Variants in ERAP1 observed in about 807,000 individuals in gnomAD.
ERAP1 encodes the protein adipocyte-derived leucine aminopeptidase.
In ERAP1, 86 loss-of-function variants were observed where a neutral mutation model predicts 103.7. The observed-to-expected ratio is 0.83, with a 90% CI of 0.70 to 0.99. The LOEUF is 0.99. Ranked by LOEUF, ERAP1 falls within the 50% of genes least tolerant of loss-of-function variation. The probability of loss-of-function intolerance (pLI) is 0.00; values close to 1 mark genes in which losing one functional copy is unlikely to be tolerated. For synonymous variants in ERAP1, 398 were observed against 402.4 expected (o/e 0.99, Z 0.13); for missense variants, 1,009 against 1,128.4 (o/e 0.89, Z 1.52).
chr5:96,926,746 C>T, the ERAP1 span, among the ~76,000 whole-genome samples: 44 of 152,152 alleles, frequency 2.9e-4, no homozygotes, highest in African/African-American at 8.9e-4. Context: ...AGTTGATGGA[C>T]GTTTGTGTTG....
At chr5:96,779,026 C>G (rs1173488009) in intron 18 of ERAP1, among the ~76,000 whole-genome samples, 2 of 152,204 alleles carry the variant, frequency 1.3e-5, no homozygotes. Flanking sequence ...TAGATGTTGG[C>G]ATTTCCTTCG....
the ERAP1 span, among the ~76,000 whole-genome samples, chr5:96,887,094 TATATATAC>T: frequency 0.026 from 2,976 of 115,388 alleles, 49 homozygotes; most frequent in Middle Eastern, 0.11. Context: ...TATATATATA[TATATATAC>T]ACACACACAC....
At chr5:96,871,236 A>G in the ERAP1 span, among the ~76,000 whole-genome samples, 2 of 152,106 alleles carry the variant, frequency 1.3e-5, no homozygotes, top group Non-Finnish European at 2.9e-5. Context: ...AACCTCTCTC[A>G]AGGCAGAAAG....
the ERAP1 span, among the ~76,000 whole-genome samples, chr5:96,879,045 G>C: frequency 1.3e-5 from 2 of 152,070 alleles, no homozygotes; most frequent in African/African-American, 2.4e-5. Context: ...TGGGTAACAG[G>C]GAGACCCCCA....
the ERAP1 span, among the ~76,000 whole-genome samples, chr5:96,871,192 T>G: frequency 6.6e-6 from 1 of 152,214 alleles, no homozygotes; most frequent in Non-Finnish European, 1.5e-5. Context: ...TGCTGGGCTC[T>G]GCCTTAGTTC....
chr5:96,833,636 A>G, the ERAP1 span, among the ~76,000 whole-genome samples: 1 of 151,994 alleles, frequency 6.6e-6, no homozygotes, highest in Non-Finnish European at 1.5e-5. Flanking sequence ...CACCTTGTGT[A>G]AAAAAATAGC....
the ERAP1 span, chr5:96,915,643 G>A: frequency 8.6e-7 from 1 of 1,160,868 alleles, no homozygotes; most frequent in South Asian, 1.6e-5. Context: ...TAAACATAAG[G>A]TCAGTATTTC....
the ERAP1 span, among the ~76,000 whole-genome samples, chr5:96,894,163 G>A: frequency 6.6e-6 from 1 of 152,194 alleles, no homozygotes; most frequent in Admixed American, 6.5e-5. Context: ...CATGGTGCCA[G>A]GAACGCAGTA....
chr5:96,864,842 G>C, the ERAP1 span, among the ~76,000 whole-genome samples: 1 of 151,876 alleles, frequency 6.6e-6, no homozygotes, highest in Non-Finnish European at 1.5e-5. Flanking sequence ...TTATATATGT[G>C]TAAGTTAAAA....
At chr5:96,768,010 T>G (rs755329078) in intron 19 of ERAP1, 1 of 1,557,654 alleles carries the variant, frequency 6.4e-7, no homozygotes, top group Admixed American at 1.7e-5. Flanking sequence ...GTACTGTGCT[T>G]TTTCACATTT....
chr5:96,889,317 T>C, the ERAP1 span: 5 of 1,613,866 alleles, frequency 3.1e-6, no homozygotes, highest in Non-Finnish European at 3.4e-6. Flanking sequence ...TATGTTCAAA[T>C]TCCACATTAT....
chr5:96,925,800 G>A, the ERAP1 span, among the ~76,000 whole-genome samples: 1 of 151,982 alleles, frequency 6.6e-6, no homozygotes, highest in African/African-American at 2.4e-5. Context: ...TTTCTAAATA[G>A]GTTAGTGTTT....
Position 96,790,285 on chromosome 5 carries a change from T to C in ERAP1, c.1524+11A>G, listed in dbSNP as rs530171257. ...GTGCTTGGGGGAACATGTACAGATA[T>C]AGAAACTTACTGAGGATGAAGATGA... On this transcript the variant is annotated intron_variant, in intron 10 of 18. Transcript: ENST00000443439. 35 of 1,613,266 alleles carry C rather than the reference T, an allele frequency of 2.2e-5. No homozygotes were observed. The African/African-American group carries it at 3.1e-4, about 14-fold the overall frequency.
intron 19 of ERAP1, chr5:96,768,091 C>T (rs1205718307): frequency 2.2e-5 from 19 of 872,690 alleles, no homozygotes; most frequent in East Asian, 7.8e-5. Context: ...ATCTATCTAT[C>T]GGTCTGTCTT....
chr5:96,930,638 C>T, the ERAP1 span, among the ~76,000 whole-genome samples: 1 of 152,158 alleles, frequency 6.6e-6, no homozygotes, highest in African/African-American at 2.4e-5. Flanking sequence ...GTTGACACTC[C>T]CCTTTTCCTT....
chr5:96,768,038 G>T, intron 19 of ERAP1: 1 of 1,220,272 alleles, frequency 8.2e-7, no homozygotes, highest in Non-Finnish European at 1.2e-6. Flanking sequence ...TGAAATGTGT[G>T]TGTGTGTATG....
chr5:96,840,676 T>C, the ERAP1 span, among the ~76,000 whole-genome samples: 1 of 152,046 alleles, frequency 6.6e-6, no homozygotes, highest in Non-Finnish European at 1.5e-5. Flanking sequence ...CTCTGTCTGA[T>C]GGGACTCAGG....
At chr5:96,909,967 T>C in the ERAP1 span, 3 of 497,256 alleles carry the variant, frequency 6.0e-6, no homozygotes, top group East Asian at 6.8e-5. Context: ...TGTAATGGTG[T>C]CCATTATTCC....
chr5:96,880,908 A>G, the ERAP1 span: 3 of 160,044 alleles, frequency 1.9e-5, no homozygotes, highest in South Asian at 1.6e-4. Context: ...CAAGAAAGGT[A>G]GAAAATGAGG....
Sources: allele counts gnomAD v4.1 joint callset (sites outside exome capture counted in the v4.1 genomes callset), GRCh38; gene constraint gnomAD v4.1.1; transcripts MANE v1.5; gene names NCBI Gene and HGNC (gene_info 2026-07-23, HGNC 2026-07-21).